CIB2: variants seen among roughly 807,000 people sequenced by gnomAD.
The protein encoded by CIB2 is calcium and integrin-binding family member 2.
CIB2 carries 19 observed loss-of-function variants against 23.1 expected under a neutral mutation model. The ratio of observed to expected loss-of-function variants is 0.82; its 90% CI spans 0.57 to 1.21. The LOEUF (loss-of-function observed/expected upper bound fraction) is 1.21. Among genes scored for constraint, CIB2 ranks in the 50% most tolerant of loss-of-function variants. The pLI, the probability that CIB2 is intolerant of heterozygous loss-of-function variation, is 0.00. For missense variants in CIB2, 220 were observed against 241.5 expected (o/e 0.91, Z 0.59); for synonymous variants, 94 against 91.7 (o/e 1.03, Z -0.14).
At chr15:78,130,301 G>A (rs74679729) in intron 1 of CIB2, among the ~76,000 whole-genome samples, 2,356 of 152,252 alleles carry the variant, frequency 0.015, 64 homozygotes, top group African/African-American at 0.055. Flanking sequence ...AGAGAGGGAG[G>A]GAGGAATGAG....
intron 1 of CIB2, among the ~76,000 whole-genome samples, chr15:78,129,674 AGGTGAGAGTCTGTCTCTGAGT>A (rs934600999): frequency 2.0e-5 from 3 of 152,068 alleles, no homozygotes; most frequent in African/African-American, 7.2e-5. Flanking sequence ...CACACACTGG[AGGTGAGAGTCTGTCTCTGAGT>A]GTCTGAGACT....
chr15:78,130,582 G>A (rs183334112), intron 1 of CIB2, among the ~76,000 whole-genome samples: 4 of 152,314 alleles, frequency 2.6e-5, no homozygotes, highest in African/African-American at 9.6e-5. Context: ...TAAGGGAGCT[G>A]GGAGAGGTGG....
intron 1 of CIB2, among the ~76,000 whole-genome samples, chr15:78,128,304 G>T (rs1027827131): frequency 2.0e-5 from 3 of 152,170 alleles, no homozygotes; most frequent in African/African-American, 7.2e-5. Flanking sequence ...GGAGAACAAG[G>T]GCCAGAGGTG....
chr15:78,110,056 C>T (rs1012098510), intron 3 of CIB2, among the ~76,000 whole-genome samples: 1 of 152,142 alleles, frequency 6.6e-6, no homozygotes, highest in Non-Finnish European at 1.5e-5. Flanking sequence ...GATAACTGGA[C>T]CAGTCAAGCA....
At chr15:78,116,848 A>G (rs62009273) in intron 2 of CIB2, among the ~76,000 whole-genome samples, 27,389 of 151,978 alleles carry the variant, frequency 0.18, 2,918 homozygotes, top group Non-Finnish European at 0.24. Context: ...TGGGAGGCCA[A>G]GGGGAAAGGA....
rs570333268 is a variant in CIB2 at position 78,118,752 on chromosome 15, C to T, written c.86+4953G>A. On this transcript the variant is annotated intron_variant, in intron 2 of 5. Transcript: ENST00000258930. ...TATTAAATATGTTCACATTATTATGCAACCATCACCACCACTGATCCACCT... is the reference window on the plus strand; with the variant it reads ...TATTAAATATGTTCACATTATTATGTAACCATCACCACCACTGATCCACCT... Among the ~76,000 whole-genome samples, 3 of 152,212 alleles carry T rather than the reference C, an allele frequency of 2.0e-5. No individual in the cohort carries two copies. The South Asian group carries it at 6.2e-4, about 32-fold the overall frequency.
At chr15:78,114,082 A>C (rs1008459416) in intron 2 of CIB2, among the ~76,000 whole-genome samples, 1 of 152,212 alleles carries the variant, frequency 6.6e-6, no homozygotes, top group Non-Finnish European at 1.5e-5. Flanking sequence ...TCAGTAAAGC[A>C]GGGGCTATTC....
At position 78,105,830 on chromosome 15, in the gene CIB2, TGTC is replaced by T; in HGVS notation, c.448_450del (p.Asp150del). On this transcript the variant is annotated inframe_deletion, in exon 5 of 6. Coordinates refer to ENST00000258930, the MANE Select transcript of CIB2 (RefSeq NM_006383.4). ...TCCAAGTCAGCCTCCTCAATGACCT[TGTC>T]GCACACAAGCACCACCTCCTCCTCA... is the stretch of plus-strand genomic sequence containing the variant. 1.2e-6 allele frequency: 2 copies of T among 1,614,166 alleles called. No individual in the cohort carries two copies. The highest frequency in any genetic ancestry group is 1.3e-5 in the African/African-American group (1 of 75,050).
At chr15:78,112,370 C>T (rs2141893467) in intron 2 of CIB2, among the ~76,000 whole-genome samples, 1 of 152,046 alleles carries the variant, frequency 6.6e-6, no homozygotes, top group African/African-American at 2.4e-5. Context: ...AGTTTGAGAC[C>T]AGCCTAGGCA....
At chr15:78,119,806 C>T (rs941947619) in intron 2 of CIB2, among the ~76,000 whole-genome samples, 1 of 151,948 alleles carries the variant, frequency 6.6e-6, no homozygotes, top group Non-Finnish European at 1.5e-5. Context: ...CTCCTGACCT[C>T]ATGATCCACC....
At chr15:78,127,120 T>C (rs543874647) in intron 1 of CIB2, among the ~76,000 whole-genome samples, 1 of 152,248 alleles carries the variant, frequency 6.6e-6, no homozygotes, top group East Asian at 1.9e-4. Flanking sequence ...AGGCCCCAGC[T>C]GATAGGAAAG....
intron 2 of CIB2, among the ~76,000 whole-genome samples, chr15:78,113,819 T>C (rs1446289143): frequency 6.6e-6 from 1 of 152,178 alleles, no homozygotes; most frequent in Non-Finnish European, 1.5e-5. Context: ...GCATCTTCTT[T>C]CATAATTCAT....
intron 2 of CIB2, chr15:78,120,739 C>G (rs1019748278): frequency 1.0e-6 from 1 of 985,496 alleles, no homozygotes; most frequent in African/African-American, 1.7e-5. Flanking sequence ...CCAAAGTTGC[C>G]ACAGAGCTGG....
intron 2 of CIB2, among the ~76,000 whole-genome samples, chr15:78,111,979 T>C (rs2074166583): frequency 6.6e-6 from 1 of 152,084 alleles, no homozygotes; most frequent in Admixed American, 6.5e-5. Flanking sequence ...ATAAACTCTC[T>C]AACTGGGGGC....
At chr15:78,108,312 G>A (rs542400888) in intron 4 of CIB2, among the ~76,000 whole-genome samples, 1 of 152,268 alleles carries the variant, frequency 6.6e-6, no homozygotes, top group African/African-American at 2.4e-5. Flanking sequence ...CTGAGGACAG[G>A]AGCTTTGACC....
chr15:78,113,310 A>C (rs76394764), intron 2 of CIB2, among the ~76,000 whole-genome samples: 3,498 of 152,336 alleles, frequency 0.023, 88 homozygotes, highest in East Asian at 0.15. Context: ...ACTTGGAGAC[A>C]GAGCAGGAGG....
chr15:78,119,109 G>A (rs1220656982), intron 2 of CIB2, among the ~76,000 whole-genome samples: 2 of 151,216 alleles, frequency 1.3e-5, no homozygotes, highest in Non-Finnish European at 1.5e-5. Context: ...GAACCTGGGA[G>A]GCAGAGATTG....
chr15:78,105,715 G>A, intron 5 of CIB2, 24 bp downstream of exon 5: 1 of 1,613,476 alleles, frequency 6.2e-7, no homozygotes, highest in Non-Finnish European at 8.5e-7. Flanking sequence ...CCCTGCCCAA[G>A]CCCGGCCCCT....
intron 2 of CIB2, among the ~76,000 whole-genome samples, chr15:78,112,787 C>A (rs1405379106): frequency 6.6e-6 from 1 of 152,206 alleles, no homozygotes; most frequent in Non-Finnish European, 1.5e-5. Context: ...CTGTGACACA[C>A]CCCAGGCCCA....
Sources: gnomAD v4.1 joint callset for allele counts (sites outside exome capture counted in the v4.1 genomes callset) on GRCh38, gnomAD v4.1.1 for gene constraint, MANE v1.5 for transcripts, NCBI Gene and HGNC (gene_info 2026-07-23, HGNC 2026-07-21) for gene names.